Variants in ECI1 observed in about 807,000 individuals in gnomAD.
ECI1 encodes enoyl-CoA delta isomerase 1, mitochondrial.
A neutral mutation model predicts 34.2 loss-of-function variants in ECI1; 34 were observed. That is an observed-to-expected ratio of 1.00 (90% CI 0.76 to 1.33). The LOEUF (loss-of-function observed/expected upper bound fraction) is 1.33. ECI1 is among the 40% of genes most tolerant of loss of function. ECI1 has a pLI of 0.00. For synonymous variants in ECI1, 211 were observed against 193.0 expected (o/e 1.09, Z -0.77); for missense variants, 456 against 422.2 (o/e 1.08, Z -0.70).
intron 2 of ECI1, among the ~76,000 whole-genome samples, chr16:2,247,509 T>C (rs1239060777): frequency 2.6e-5 from 4 of 152,194 alleles, no homozygotes; most frequent in African/African-American, 9.7e-5. Context: ...GCGATTCGAC[T>C]GCCTCAGCCT....
intron 6 of ECI1, 115 bp downstream of exon 6, chr16:2,242,931 A>G (rs1010018608): frequency 1.2e-6 from 1 of 837,478 alleles, no homozygotes; most frequent in Admixed American, 2.0e-5. Context: ...TGACACCCAC[A>G]TGGCTGTGAT....
rs371110528 is a variant in ECI1, at chr16:2,243,252, A to G, written c.564-28T>C. The G allele has an allele frequency of 1.2e-5, 19 of 1,612,838 alleles. No homozygotes were observed. In the African/African-American group the frequency reaches 2.3e-4, roughly 19 times the overall value. ...GGAAATGCAGACACCCACTCACCACATGGCCCCAGGCGGGTCTGTTCCCTC... is the reference window on the plus strand; with the variant it reads ...GGAAATGCAGACACCCACTCACCACGTGGCCCCAGGCGGGTCTGTTCCCTC... On this transcript the variant is annotated intron_variant, in intron 5 of 6. Coordinates refer to ENST00000301729, the MANE Select transcript of ECI1 (RefSeq NM_001919.4).
chr16:2,245,113 C>T (rs1567313702), intron 3 of ECI1, among the ~76,000 whole-genome samples: 1 of 152,186 alleles, frequency 6.6e-6, no homozygotes, highest in Non-Finnish European at 1.5e-5. Flanking sequence ...GAGCCTCAGA[C>T]TCCCAGTCAG....
At chr16:2,244,002 A>C in intron 4 of ECI1, 1 of 337,670 alleles carries the variant, frequency 3.0e-6, no homozygotes, top group Non-Finnish European at 5.8e-6. Context: ...TGTCACAGCC[A>C]CCCCGCAGGA....
intron 2 of ECI1, among the ~76,000 whole-genome samples, chr16:2,248,542 G>A (rs2093545673): frequency 6.6e-6 from 1 of 152,008 alleles, no homozygotes; most frequent in Admixed American, 6.6e-5. Context: ...AGCCTCCTGA[G>A]AAGCTGGGAT....
rs114939404 is a variant in ECI1, at chr16:2,239,964, G to C, written c.*15C>G. 1,809 of 1,613,430 alleles carry C rather than the reference G, an allele frequency of 1.1e-3. 15 individuals carry two copies. The African/African-American group carries it at 0.02, about 18-fold the overall frequency. ...CAGGGGCACGTGTGGCCGTAAGCCT[G>C]TGGCAGCCCAATCGTTAGCCTTTTT... On this transcript the variant is annotated 3_prime_UTR_variant, in exon 7 of 7. Transcript: ENST00000301729.
chr16:2,244,724 C>G (rs1023928639), intron 3 of ECI1, among the ~76,000 whole-genome samples, 172 bp from the exon 4 acceptor site: 1 of 152,220 alleles, frequency 6.6e-6, no homozygotes. Context: ...TCGGCCAAGG[C>G]TTCTCCTGGA....
rs1596784835 is a variant in ECI1, at chr16:2,243,451, G to A, written c.442-12C>T. On this transcript the variant is annotated splice_polypyrimidine_tract_variant and intron_variant, in intron 4 of 6. Transcript: ENST00000301729. ...GCGGGGCAGGCTCCCTGCAGGGAGA[G>A]GCCGGACAGGGCTCTTAGGTGCTGC... The A allele has an allele frequency of 9.3e-6, 15 of 1,611,182 alleles. No individual in the cohort carries two copies. Among genetic ancestry groups the A allele is most frequent in the Non-Finnish European group, 1.2e-5 (14 of 1,179,918 alleles).
At chr16:2,246,159 C>G (rs1419823096) in intron 3 of ECI1, among the ~76,000 whole-genome samples, 1 of 152,218 alleles carries the variant, frequency 6.6e-6, no homozygotes, top group Non-Finnish European at 1.5e-5. Context: ...CTTACTGCCC[C>G]TCGGCGATGT....
chr16:2,239,673 G>T lies in ECI1; in HGVS notation c.*306C>A, dbSNP rs2093523152. 1 of 422,464 alleles carries T rather than the reference G, an allele frequency of 2.4e-6. No individual in the cohort carries two copies. 26.2% of individuals were successfully genotyped at this position (422,464 alleles called of 1,614,324 possible). On this transcript the variant is annotated 3_prime_UTR_variant, in exon 7 of 7. Transcript: ENST00000301729. ...ATGGATGACCAGGGACTTGACTTAC[G>T]ATTCTGCCTTGGGAACAGAGACACT...
At chr16:2,246,827 G>C (rs369676219) in intron 3 of ECI1, 32 bp downstream of exon 3, 2 of 1,611,314 alleles carry the variant, frequency 1.2e-6, no homozygotes, top group African/African-American at 1.3e-5. Flanking sequence ...CCAAGAACTC[G>C]GGCTGGGGTA....
Position 2,243,043 on chromosome 16 carries a change from C to T in ECI1, c.742+3G>A. 1 of 1,601,452 alleles carries T rather than the reference C, an allele frequency of 6.2e-7. No individual in the cohort carries two copies. Among genetic ancestry groups the T allele is most frequent in the Non-Finnish European group, 8.5e-7 (1 of 1,179,008 alleles). On this transcript the variant is annotated splice_donor_region_variant and intron_variant, in intron 6 of 6. Transcript: ENST00000301729. ...CGGGCGCCCGCCATGCCCCGTGCCT[C>T]ACCTGGAATGGCCATCCACTGGGCT...
intron 2 of ECI1, among the ~76,000 whole-genome samples, chr16:2,249,858 C>CTGG (rs1227736905): frequency 1.5e-4 from 15 of 100,828 alleles, no homozygotes; most frequent in Middle Eastern, 0.013. Flanking sequence ...AGCCTGGCGA[C>CTGG]AGAGCAAGAC....
At chr16:2,241,989 A>G (rs1023967463) in intron 6 of ECI1, among the ~76,000 whole-genome samples, 1 of 151,576 alleles carries the variant, frequency 6.6e-6, no homozygotes, top group Non-Finnish European at 1.5e-5. Context: ...CCTCTCGAGT[A>G]GCTGGGACTA....
intron 6 of ECI1, chr16:2,240,571 T>G (rs1219886475): frequency 2.8e-5 from 7 of 252,448 alleles, no homozygotes; most frequent in African/African-American, 1.4e-4. Flanking sequence ...TCGCCCATAC[T>G]GGAGTGCACT....
In ECI1 at chr16:2,240,013, A is replaced by C. The variant is rs1308811664; in HGVS notation, c.875T>G (p.Met292Arg). The C allele has an allele frequency of 5.0e-6, 8 of 1,613,812 alleles. No homozygotes were observed. Among genetic ancestry groups the C allele is most frequent in the African/African-American group, 1.3e-5 (1 of 74,956 alleles). ...SKDSIQKSLQ[M>R]YLERLKEEKG ...TTCTTCTTTGAGCCTCTCTAAGTAC[A>C]TCTGCAGGGACTTCTGGATGGAGTC... Residue 292 changes from methionine (M) to arginine (R), a missense_variant, in exon 7 of 7, where the codon ATG becomes AGG. By Grantham distance (91) the Met-to-Arg change is moderately conservative. Coordinates refer to ENST00000301729, the MANE Select transcript of ECI1 (RefSeq NM_001919.4).
Position 2,243,152 on chromosome 16 carries a change from G to C in ECI1, c.636C>G (p.Phe212Leu), listed in dbSNP as rs1355196818. 2.5e-6 allele frequency: 4 copies of C among 1,607,140 alleles called. No homozygotes were observed. Among genetic ancestry groups the C allele is most frequent in the Non-Finnish European group, 2.5e-6 (3 of 1,179,770 alleles). ...CCACCTGCAGGGCCTCCGCCGGCGG[G>C]AAGAGCAGCCCCAGCTGCAGGGCAC... ...AERALQLGLL[F>L]PPAEALQVGI... Residue 212 changes from phenylalanine (F) to leucine (L), a missense_variant, in exon 6 of 7, where the codon TTC (phenylalanine) becomes TTG (leucine). By Grantham distance (22) the Phe-to-Leu change is conservative. Coordinates refer to ENST00000301729, the MANE Select transcript of ECI1 (RefSeq NM_001919.4).
rs894870931 is a variant in ECI1 at position 2,239,931 on chromosome 16, G to A, written c.*48C>T. On this transcript the variant is annotated 3_prime_UTR_variant, in exon 7 of 7. Coordinates refer to ENST00000301729, the MANE Select transcript of ECI1 (RefSeq NM_001919.4). The stretch of plus-strand genomic sequence containing the variant: ...AAAATACCTTGTTTAAGACCTCCCT[G>A]GGACCCACAGGGGCACGTGTGGCCG... 3.8e-6 allele frequency: 6 copies of A among 1,597,924 alleles called. No homozygotes were observed. In the African/African-American group the frequency reaches 6.7e-5, roughly 18 times the overall value.
chr16:2,247,428 G>A (rs2093542994), intron 2 of ECI1, among the ~76,000 whole-genome samples: 2 of 151,864 alleles, frequency 1.3e-5, no homozygotes, highest in African/African-American at 4.8e-5. Flanking sequence ...ACGGAGTTTT[G>A]CTCTTGTTGC....
Sources: allele counts gnomAD v4.1 joint callset (sites outside exome capture counted in the v4.1 genomes callset), GRCh38; gene constraint gnomAD v4.1.1; transcripts MANE v1.5; gene names NCBI Gene and HGNC (gene_info 2026-07-23, HGNC 2026-07-21).